The following CCDC146 variants were observed in gnomAD, a reference collection of about 807,000 sequenced individuals.
CCDC146 encodes the protein coiled-coil domain containing 146, also known as coiled-coil domain-containing protein 146.
A neutral mutation model predicts 119.3 loss-of-function variants in CCDC146; 92 were observed. The ratio of observed to expected loss-of-function variants is 0.77; its 90% confidence interval spans 0.65 to 0.92. The LOEUF is 0.92. Ranked by LOEUF, CCDC146 falls within the 40% of genes least tolerant of loss-of-function variation. The pLI is 0.00. For missense variants in CCDC146, 1,000 were observed against 1,103.0 expected (o/e 0.91, Z 1.32); for synonymous variants, 372 against 371.8 (o/e 1.00, Z -0.01).
chr7:77,238,131 A>G (rs1200116219), intron 3 of CCDC146, among the ~76,000 whole-genome samples: 1 of 151,786 alleles, frequency 6.6e-6, no homozygotes, highest in African/African-American at 2.4e-5. Context: ...GGTTCCTCAC[A>G]CCCCTCCAAA....
At chr7:77,204,514 G>A (rs529415462) in intron 2 of CCDC146, among the ~76,000 whole-genome samples, 2 of 152,254 alleles carry the variant, frequency 1.3e-5, no homozygotes, top group East Asian at 3.9e-4. Context: ...GAATCCTTAA[G>A]ATTTCTGGAT....
intron 1 of CCDC146, among the ~76,000 whole-genome samples, chr7:77,149,215 T>A (rs1232207013): frequency 6.6e-6 from 1 of 151,920 alleles, no homozygotes; most frequent in Non-Finnish European, 1.5e-5. Flanking sequence ...CTGACAAAAA[T>A]AAGCAATGGG....
Position 77,196,655 on chromosome 7 carries a change from A to G in CCDC146, c.156+28831A>G. 1 of 1,614,142 alleles carries G rather than the reference A, an allele frequency of 6.2e-7. No homozygotes were observed. Among genetic ancestry groups the G allele is most frequent in the Admixed American group, 1.7e-5 (1 of 60,032 alleles). ...ATTAGCCACATAAAACTGATCATAC[A>G]AGGCATATAGTTCGACACCATTAAA... On this transcript the variant is annotated intron_variant, in intron 2 of 18. Transcript: ENST00000285871. The surrounding 1 kb of genome is among the most constrained non-coding windows in gnomAD (Gnocchi z 4.2).
At position 77,254,521 on chromosome 7, in the gene CCDC146, A is replaced by C. The variant is rs199851005; in HGVS notation, c.465A>C (p.Lys155Asn). The change falls in exon 5 of 19, where the codon AAA becomes AAC. Residue 155 changes from lysine (K) to asparagine (N), a missense_variant. Physicochemically the swap from Lys to Asn is moderately conservative, Grantham distance 94. Transcript: ENST00000285871. ...QYRLNSLKEE[K>N]IIIVKEFEKI... The stretch of plus-strand genomic sequence containing the variant: ...TTTTTTGCAGCTTAAAGGAAGAAAA[A>C]ATCATCATAGTAAAAGAATTTGAGA... 48 of 1,546,790 alleles carry C rather than the reference A, an allele frequency of 3.1e-5. No homozygotes were observed. The highest frequency in any genetic ancestry group is 3.6e-5 in the Non-Finnish European group (40 of 1,125,132).
In CCDC146 at chr7:77,294,921, T is replaced by G. The variant is rs1049863661; in HGVS notation, c.*55T>G. 4.2e-6 allele frequency: 6 copies of G among 1,415,956 alleles called. No individual in the cohort carries two copies. The highest frequency in any genetic ancestry group is 5.9e-6 in the Non-Finnish European group (6 of 1,022,036). 87.7% of individuals were successfully genotyped at this position (1,415,956 alleles called of 1,614,324 possible). ...AAAAGACTTCAACCAGGCTTCCTTG[T>G]ACCCACAGGTGAAAAATGTGAGCAT... is the stretch of plus-strand genomic sequence containing the variant. On this transcript the variant is annotated 3_prime_UTR_variant, in exon 19 of 19. Transcript: ENST00000285871.
chr7:77,230,618 G>A (rs549328698), intron 2 of CCDC146, among the ~76,000 whole-genome samples: 2 of 152,056 alleles, frequency 1.3e-5, no homozygotes, highest in South Asian at 2.1e-4. Context: ...TACATAATAA[G>A]CTGGGGTTTT....
intron 1 of CCDC146, among the ~76,000 whole-genome samples, chr7:77,132,637 T>G (rs1790801724): frequency 6.6e-6 from 1 of 150,814 alleles, no homozygotes; most frequent in African/African-American, 2.4e-5. Flanking sequence ...CCCAGGACAA[T>G]GAGGCAGGAG....
intron 2 of CCDC146, among the ~76,000 whole-genome samples, chr7:77,225,202 G>C (rs1792486535): frequency 1.3e-5 from 2 of 152,168 alleles, no homozygotes; most frequent in African/African-American, 4.8e-5. Flanking sequence ...CAACTGAAGA[G>C]ACTGAGGCAA....
At chr7:77,291,667 C>A (rs1793946270) in intron 17 of CCDC146, among the ~76,000 whole-genome samples, 1 of 152,148 alleles carries the variant, frequency 6.6e-6, no homozygotes, top group South Asian at 2.1e-4. Flanking sequence ...GAGATCACAC[C>A]ACTGTGCTCC....
intron 1 of CCDC146, among the ~76,000 whole-genome samples, chr7:77,133,828 T>TACACACACACAC (rs142218364): frequency 7.0e-6 from 1 of 143,692 alleles, no homozygotes; most frequent in Non-Finnish European, 1.5e-5. Context: ...TATGCTTAGG[T>TACACACACACAC]ACACACACAC....
chr7:77,256,221 C>A, intron 5 of CCDC146, 112 bp from the exon 6 acceptor site: 1 of 737,998 alleles, frequency 1.4e-6, no homozygotes, highest in Non-Finnish European at 2.1e-6. Flanking sequence ...CATTCATGAA[C>A]TTCAAAACAA....
chr7:77,170,287 T>C (rs899358673), intron 2 of CCDC146, among the ~76,000 whole-genome samples: 1 of 152,180 alleles, frequency 6.6e-6, no homozygotes, highest in African/African-American at 2.4e-5. Flanking sequence ...CTCTTCTATG[T>C]CTCTGTGAAG....
chr7:77,138,571 A>G (rs1790891430), intron 1 of CCDC146, among the ~76,000 whole-genome samples: 1 of 152,226 alleles, frequency 6.6e-6, no homozygotes. Flanking sequence ...ACTACGAAAG[A>G]CAATGTCAAA....
At chr7:77,170,603 G>T (rs754754029) in intron 2 of CCDC146, among the ~76,000 whole-genome samples, 27 of 152,280 alleles carry the variant, frequency 1.8e-4, no homozygotes, top group Non-Finnish European at 3.4e-4. Context: ...CACAGCAAAA[G>T]AAACTATCAA....
intron 10 of CCDC146, 117 bp from the exon 11 acceptor site, chr7:77,274,365 G>A: frequency 1.4e-6 from 1 of 708,740 alleles, no homozygotes; most frequent in Non-Finnish European, 2.3e-6. Flanking sequence ...CACCACACCT[G>A]GCCTGTTTAA....
At chr7:77,186,167 G>A (rs1048192415) in intron 2 of CCDC146, among the ~76,000 whole-genome samples, 2 of 152,146 alleles carry the variant, frequency 1.3e-5, no homozygotes, top group Admixed American at 6.5e-5. Context: ...AAGGAAATCA[G>A]TGTATCAAAG....
intron 2 of CCDC146, among the ~76,000 whole-genome samples, chr7:77,182,586 C>T (rs1791606167): frequency 6.6e-6 from 1 of 151,988 alleles, no homozygotes; most frequent in African/African-American, 2.4e-5. Flanking sequence ...AGCCTGGCAG[C>T]ACAGTGAGAC....
At chr7:77,250,712 T>G (rs1793040260) in intron 4 of CCDC146, among the ~76,000 whole-genome samples, 1 of 152,146 alleles carries the variant, frequency 6.6e-6, no homozygotes, top group Non-Finnish European at 1.5e-5. Flanking sequence ...TCTCAGACAT[T>G]ATTGCTTCAG....
chr7:77,200,164 TA>T (rs1791961544), intron 2 of CCDC146, among the ~76,000 whole-genome samples: 1 of 152,162 alleles, frequency 6.6e-6, no homozygotes, highest in African/African-American at 2.4e-5. Context: ...TTTTTAAAGA[TA>T]AAAAGTAAGA....
Sources: gnomAD v4.1 joint callset for allele counts (sites outside exome capture counted in the v4.1 genomes callset) on GRCh38, gnomAD v4.1.1 for gene constraint, Gnocchi (gnomAD v3.1) non-coding constraint, MANE v1.5 for transcripts, NCBI Gene and HGNC (gene_info 2026-07-23, HGNC 2026-07-21) for gene names.